P3H2: variants seen among roughly 807,000 people sequenced by gnomAD.
The protein encoded by P3H2 is prolyl 3-hydroxylase 2.
Under a neutral mutation model 87.0 loss-of-function variants are expected in P3H2, and 80 were observed. The observed-to-expected ratio is 0.92, with a 90% confidence interval of 0.77 to 1.11. The LOEUF (loss-of-function observed/expected upper bound fraction) is 1.11. P3H2 is among the 50% of genes least tolerant of loss of function. The pLI is 0.00. For missense variants in P3H2, 1,001 were observed against 923.9 expected (o/e 1.08, Z -1.08); for synonymous variants, 367 against 359.3 (o/e 1.02, Z -0.24).
In P3H2 at chr3:189,964,199, G is replaced by A; in HGVS notation, c.1894-101C>T. The A allele has an allele frequency of 7.3e-6, 8 of 1,101,396 alleles. No homozygotes were observed. The Admixed American group carries it at 1.2e-4, about 17-fold the overall frequency. 68.2% of individuals were successfully genotyped at this position (1,101,396 alleles called of 1,614,324 possible). A position where few individuals can be genotyped will look rare whatever the true frequency, so the allele number is the denominator to read the frequency against. On this transcript the variant is annotated intron_variant, in intron 13 of 14. Coordinates refer to ENST00000319332, the MANE Select transcript of P3H2 (RefSeq NM_018192.4). ...TGAGATTATTTGAGTTAAGGCCTGA[G>A]GCGAAGAATAAAGGAATCCTGGGAT...
intron 13 of P3H2, chr3:189,969,470 C>T: frequency 1.1e-6 from 1 of 919,640 alleles, no homozygotes; most frequent in Non-Finnish European, 1.8e-6. Flanking sequence ...TCCTCTAGCA[C>T]AACAATGACT....
chr3:189,987,536 C>T lies in P3H2; in HGVS notation c.1089G>A (p.Glu363=). 6.2e-7 allele frequency: 1 copy of T among 1,613,902 alleles called. No individual in the cohort carries two copies. The highest frequency in any genetic ancestry group is 8.5e-7 in the Non-Finnish European group (1 of 1,179,932). ...AAAACATTGGTCTCACCTCTCTGGC[C>T]TCAATGGATGCCGGGTCAATGCTAT... is the stretch of plus-strand genomic sequence containing the variant. ...LDDSIDPASI[E]AREDLTMFVK... The change falls in exon 5 of 15, where the codon GAG becomes GAA. Residue 363 remains glutamate, a synonymous_variant. Transcript: ENST00000319332.
intron 1 of P3H2, among the ~76,000 whole-genome samples, chr3:190,066,158 T>TATATATATATACATACACACACACAC (rs1256956930): frequency 1.5e-5 from 2 of 134,600 alleles, no homozygotes; most frequent in African/African-American, 3.1e-5. Flanking sequence ...TATATATATA[T>TATATATATATACATACACACACACAC]ACACACACAC....
chr3:190,087,796 A>G (rs1185790608), intron 1 of P3H2, among the ~76,000 whole-genome samples: 1 of 152,196 alleles, frequency 6.6e-6, no homozygotes, highest in Non-Finnish European at 1.5e-5. Context: ...AAAGTGGAAG[A>G]AGGAAGACTT....
intron 7 of P3H2, chr3:189,983,433 A>G (rs1490838236): frequency 5.0e-5 from 18 of 361,620 alleles, no homozygotes; most frequent in Non-Finnish European, 3.1e-5. Flanking sequence ...TAGGAAAAAA[A>G]TTATCATGAG....
At chr3:190,090,562 G>A (rs1159798805) in intron 1 of P3H2, among the ~76,000 whole-genome samples, 1 of 152,116 alleles carries the variant, frequency 6.6e-6, no homozygotes, top group East Asian at 1.9e-4. Context: ...AATTAGCTGG[G>A]CATGGTGGCG....
At position 189,994,123 on chromosome 3, in the gene P3H2, T is replaced by G. The variant is rs944347200; in HGVS notation, c.794A>C (p.Tyr265Ser). The G allele has an allele frequency of 1.9e-6, 3 of 1,613,560 alleles. No individual in the cohort carries two copies. The highest frequency in any genetic ancestry group is 1.7e-5 in the Admixed American group (1 of 59,984). Reference protein sequence around the residue: ...QRFEEYEYLGYKAGLYEAIAD... With the variant: ...QRFEEYEYLGSKAGLYEAIAD... ...AATAGCTTCATACAGACCAGCCTTA[T>G]ACCCTAAATACTCATATTCTTCAAA... The change falls in exon 3 of 15, where the codon TAT becomes TCT. Residue 265 changes from tyrosine to serine, a missense_variant. Transcript: ENST00000319332.
At chr3:190,105,094 T>C (rs928105817) in intron 1 of P3H2, among the ~76,000 whole-genome samples, 1 of 152,202 alleles carries the variant, frequency 6.6e-6, no homozygotes, top group African/African-American at 2.4e-5. Flanking sequence ...TGGAGTCTTA[T>C]AGACTTTGGA....
Position 190,092,481 on chromosome 3 carries a change from T to C in P3H2, c.480+27771A>G, listed in dbSNP as rs115464602. On this transcript the variant is annotated intron_variant, in intron 1 of 14. Coordinates refer to ENST00000319332, the MANE Select transcript of P3H2 (RefSeq NM_018192.4). ...AAGGCAAGGAACGAAGTCTAGAAAATACTCTCATTAGGAGCTACATCTTGC... is the reference window on the plus strand; with the variant it reads ...AAGGCAAGGAACGAAGTCTAGAAAACACTCTCATTAGGAGCTACATCTTGC... 2.1e-3 allele frequency among the ~76,000 whole-genome samples: 321 copies of C among 152,240 alleles called. 1 individual carries two copies. Among genetic ancestry groups the C allele is most frequent in the African/African-American group, 7.4e-3 (309 of 41,540 alleles).
chr3:190,038,251 A>C (rs975108380), intron 1 of P3H2, among the ~76,000 whole-genome samples: 1 of 151,724 alleles, frequency 6.6e-6, no homozygotes, highest in Non-Finnish European at 1.5e-5. Flanking sequence ...AAAAAAAAAA[A>C]AAAAACTGTC....
rs749860314 is a variant in P3H2, at chr3:189,983,067, T to C, written c.1303A>G (p.Ile435Val). The change falls in exon 8 of 15, where the codon ATA becomes GTA. Residue 435 changes from isoleucine (I) to valine (V), a missense_variant. Physicochemically the swap from Ile to Val is conservative, Grantham distance 29. Coordinates refer to ENST00000319332, the MANE Select transcript of P3H2 (RefSeq NM_018192.4). ...TTACCTTCTCTTAGGTCTCGATCTA[T>C]CTTGGGTGATAGCTTTTTTCCCATT... ...FSMGKKLSPK[I>V]DRDLREGGPL... The C allele has an allele frequency of 6.2e-7, 1 of 1,613,784 alleles. No homozygotes were observed. The highest frequency in any genetic ancestry group is 8.5e-7 in the Non-Finnish European group (1 of 1,179,706).
Position 189,963,523 on chromosome 3 carries a change from C to A in P3H2, c.2034+435G>T, listed in dbSNP as rs528905634. On this transcript the variant is annotated intron_variant, in intron 14 of 14. Transcript: ENST00000319332. The stretch of plus-strand genomic sequence containing the variant: ...GCAGTGGTGCGATCTCGGCTTACTG[C>A]AATTTACGCCTCCCAGGTTCAAGCG... The A allele has an allele frequency of 1.7e-3, 343 of 200,432 alleles. 2 individuals are homozygous for A. The highest frequency in any genetic ancestry group is 7.4e-3 in the African/African-American group (323 of 43,472). 12.4% of individuals were successfully genotyped at this position (200,432 alleles called of 1,614,324 possible). A position where few individuals can be genotyped will look rare whatever the true frequency, so the allele number is the denominator to read the frequency against.
intron 1 of P3H2, among the ~76,000 whole-genome samples, chr3:190,046,790 T>C (rs921412611): frequency 6.6e-6 from 1 of 152,162 alleles, no homozygotes. Context: ...TTTAATTTAA[T>C]TTAATTTATT....
intron 1 of P3H2, among the ~76,000 whole-genome samples, chr3:190,097,646 T>C (rs1367670280): frequency 1.3e-5 from 2 of 151,188 alleles, no homozygotes; most frequent in East Asian, 3.9e-4. Flanking sequence ...CACAATAAAA[T>C]TATTTTATTG....
chr3:190,120,601 A>C lies in P3H2; in HGVS notation c.131T>G (p.Phe44Cys). Residue 44 changes from phenylalanine to cysteine, a missense_variant, in exon 1 of 15, where the codon TTC (phenylalanine) becomes TGC (cysteine). Physicochemically the swap from Phe to Cys is radical, Grantham distance 205. Coordinates refer to ENST00000319332, the MANE Select transcript of P3H2 (RefSeq NM_018192.4). ...LELEPGPLQP[F>C]DLLYASGAAA... ...CGCGCCGCTGGCGTAGAGCAGGTCG[A>C]AGGGCTGCAGAGGCCCGGGCTCCAG... is the stretch of plus-strand genomic sequence containing the variant. The C allele has an allele frequency of 1.3e-6, 2 of 1,547,258 alleles. No homozygotes were observed. Among genetic ancestry groups the C allele is most frequent in the Non-Finnish European group, 1.7e-6 (2 of 1,156,558 alleles).
intron 13 of P3H2, among the ~76,000 whole-genome samples, chr3:189,965,381 T>C (rs1560338475): frequency 2.0e-5 from 3 of 152,174 alleles, no homozygotes. Context: ...TGTGTGTTTA[T>C]GTCTGTGTGA....
chr3:190,107,826 C>T (rs536805265), intron 1 of P3H2, among the ~76,000 whole-genome samples: 2 of 152,272 alleles, frequency 1.3e-5, no homozygotes, highest in South Asian at 4.1e-4. Context: ...CTTTTACAAA[C>T]TATGATTAGT....
intron 3 of P3H2, 67 bp from the exon 4 acceptor site, chr3:189,989,105 C>T: frequency 6.3e-7 from 1 of 1,588,866 alleles, no homozygotes; most frequent in Non-Finnish European, 8.6e-7. Context: ...AACGTCACAG[C>T]CACAGTTACA....
Position 190,095,687 on chromosome 3 carries a change from G to A in P3H2, c.480+24565C>T, listed in dbSNP as rs967659100. On this transcript the variant is annotated intron_variant, in intron 1 of 14. Transcript: ENST00000319332. ...GTGATCTCGGCTCACTGCAAGCTCC[G>A]CCTCCCGGGTTCACGCCATTCTCCT... Among the ~76,000 whole-genome samples the A allele has an allele frequency of 4.8e-5, 7 of 147,356 alleles. No homozygotes were observed. In the East Asian group the frequency reaches 8.0e-4, roughly 17 times the overall value.
Sources: allele counts gnomAD v4.1 joint callset (sites outside exome capture counted in the v4.1 genomes callset), GRCh38; gene constraint gnomAD v4.1.1; transcripts MANE v1.5; gene names NCBI Gene and HGNC (gene_info 2026-07-23, HGNC 2026-07-21).